The following ACSL1 variants were observed in gnomAD, a reference collection of about 807,000 sequenced individuals.
The protein encoded by ACSL1 is acyl-CoA synthetase long chain family member 1.
In ACSL1, 41 loss-of-function variants were observed where a neutral mutation model predicts 98.4. The observed-to-expected ratio is 0.42, with a 90% CI of 0.32 to 0.54. The LOEUF (loss-of-function observed/expected upper bound fraction) is 0.54, where lower values mean the gene tolerates loss of function less well. Among genes scored for constraint, ACSL1 ranks in the 20% least tolerant of loss-of-function variants. ACSL1 has a pLI of 0.13. For missense variants in ACSL1, 734 were observed against 883.1 expected (o/e 0.83, Z 2.14); for synonymous variants, 316 against 322.7 (o/e 0.98, Z 0.22).
At chr4:184,784,571 A>T (rs1040821140) in intron 3 of ACSL1, among the ~76,000 whole-genome samples, 2 of 152,222 alleles carry the variant, frequency 1.3e-5, no homozygotes, top group African/African-American at 4.8e-5. Context: ...GTATCTGGGA[A>T]GCAAAAGTTA....
At chr4:184,775,676 CA>C (rs1765184011) in intron 7 of ACSL1, among the ~76,000 whole-genome samples, 1 of 152,166 alleles carries the variant, frequency 6.6e-6, no homozygotes, top group African/African-American at 2.4e-5. Flanking sequence ...AAAGGTTCTA[CA>C]GATCCTTACT....
At chr4:184,821,163 C>T (rs1773043422) in intron 1 of ACSL1, 1 of 454,480 alleles carries the variant, frequency 2.2e-6, no homozygotes, top group East Asian at 7.0e-5. Context: ...GTTCCTAAGC[C>T]TGGCCGTGTC....
At chr4:184,763,504 G>T (rs1305336914) in intron 15 of ACSL1, among the ~76,000 whole-genome samples, 1 of 152,072 alleles carries the variant, frequency 6.6e-6, no homozygotes, top group Non-Finnish European at 1.5e-5. Context: ...GAGTAATTTG[G>T]CCTCTATGTG....
chr4:184,790,106 G>A (rs1409610522), intron 2 of ACSL1, among the ~76,000 whole-genome samples: 1 of 152,172 alleles, frequency 6.6e-6, no homozygotes, highest in Non-Finnish European at 1.5e-5. Flanking sequence ...GCAGGCTGAG[G>A]AGGGCCGCGC....
At chr4:184,800,032 C>T (rs184874696) in intron 2 of ACSL1, among the ~76,000 whole-genome samples, 1 of 152,206 alleles carries the variant, frequency 6.6e-6, no homozygotes, top group East Asian at 1.9e-4. Flanking sequence ...AGTTCTGGAC[C>T]TTCTACTAAC....
chr4:184,795,880 TTGCACCC>T (rs1769269230), intron 2 of ACSL1, among the ~76,000 whole-genome samples: 1 of 152,238 alleles, frequency 6.6e-6, no homozygotes, highest in Non-Finnish European at 1.5e-5. Context: ...ATGCTGATGT[TTGCACCC>T]TGCCAGAATA....
At chr4:184,792,163 T>C (rs74546805) in intron 2 of ACSL1, among the ~76,000 whole-genome samples, 5,328 of 152,254 alleles carry the variant, frequency 0.035, 261 homozygotes, top group African/African-American at 0.1. Context: ...CATCTTGACA[T>C]GTAACCTGGG....
intron 1 of ACSL1, among the ~76,000 whole-genome samples, chr4:184,822,671 T>C (rs1018054809): frequency 1.6e-4 from 24 of 149,590 alleles, no homozygotes; most frequent in African/African-American, 5.9e-4. Context: ...CCCAGGGAGG[T>C]GGAGAGGCTG....
chr4:184,762,436 G>A lies in ACSL1; in HGVS notation c.1609C>T (p.His537Tyr). The change falls in exon 17 of 21, where the codon CAC (histidine) becomes TAC (tyrosine). Residue 537 changes from histidine (H) to tyrosine (Y), a missense_variant. His to Tyr is a moderately conservative substitution (Grantham distance 83). Coordinates refer to ENST00000281455, the MANE Select transcript of ACSL1 (RefSeq NM_001995.5). ...AEALDKDGWL[H>Y]TGDIGKWLPN... Reference sequence around the variant, plus strand: ...AACCATTTTCCAATGTCCCCTGTGTGTAACCAGCCGTCTTTGTCCAAAGCT... The same window carrying A: ...AACCATTTTCCAATGTCCCCTGTGTATAACCAGCCGTCTTTGTCCAAAGCT... The A allele has an allele frequency of 7.4e-6, 12 of 1,614,216 alleles. No homozygotes were observed. The highest frequency in any genetic ancestry group is 1.1e-5 in the South Asian group (1 of 91,080).
chr4:184,792,484 A>G (rs10022124), intron 2 of ACSL1, among the ~76,000 whole-genome samples: 88,862 of 152,028 alleles, frequency 0.58, 26,579 homozygotes, highest in African/African-American at 0.68. Flanking sequence ...CGCCCAGGCT[A>G]GAGTTCAGTG....
chr4:184,761,461 A>T (rs4861631), intron 17 of ACSL1, among the ~76,000 whole-genome samples: 1 of 152,140 alleles, frequency 6.6e-6, no homozygotes, highest in Admixed American at 6.5e-5. Context: ...TCAGCATCAT[A>T]ATAACTTCGA....
chr4:184,819,384 C>A (rs975599217), intron 1 of ACSL1, among the ~76,000 whole-genome samples: 5 of 152,038 alleles, frequency 3.3e-5, no homozygotes, highest in Non-Finnish European at 5.9e-5. Flanking sequence ...CTCAGATGAT[C>A]CACCTGCCTT....
chr4:184,826,021 G>GGCCCGCTGGTTGCGCCCCC (rs1487111764), upstream of ACSL1: 1 of 147,720 alleles, frequency 6.8e-6, no homozygotes, highest in Non-Finnish European at 1.5e-5. Context: ...CCGCCGCCTC[G>GGCCCGCTGGTTGCGCCCCC]GCCCGCTGGT....
chr4:184,803,723 C>T lies in ACSL1; in HGVS notation c.-32-177G>A, dbSNP rs1770938302. On this transcript the variant is annotated intron_variant, in intron 1 of 20. Transcript: ENST00000281455. The surrounding 1 kb of genome is among the most constrained non-coding windows in gnomAD (Gnocchi z 4.8). ...CTGTCAAGTGTCATTTTTCTAAAAA[C>T]ACTTTAGGATTTCATTTTCATTCTA... is the stretch of plus-strand genomic sequence containing the variant. Among the ~76,000 whole-genome samples, 1 of 152,090 alleles carries T rather than the reference C, an allele frequency of 6.6e-6. No individual in the cohort carries two copies. Among genetic ancestry groups the T allele is most frequent in the South Asian group, 2.1e-4 (1 of 4,820 alleles).
chr4:184,777,015 AC>A, intron 5 of ACSL1, 32 bp from the exon 6 acceptor site: 1 of 1,573,558 alleles, frequency 6.4e-7, no homozygotes, highest in African/African-American at 1.3e-5. Flanking sequence ...GGGAGAGAAA[AC>A]AGGATGTCAT....
intron 7 of ACSL1, among the ~76,000 whole-genome samples, chr4:184,775,446 A>G (rs1479275048): frequency 6.6e-6 from 1 of 152,196 alleles, no homozygotes; most frequent in Non-Finnish European, 1.5e-5. Context: ...AAGAGATTAC[A>G]TTATAGTAAA....
At chr4:184,816,798 C>T (rs1772674904) in intron 1 of ACSL1, among the ~76,000 whole-genome samples, 1 of 152,002 alleles carries the variant, frequency 6.6e-6, no homozygotes, top group Non-Finnish European at 1.5e-5. Context: ...ATGGTTCTAC[C>T]GCGTGGGGGT....
chr4:184,783,995 A>C lies in ACSL1; in HGVS notation c.311-4T>G. On this transcript the variant is annotated splice_region_variant and splice_polypyrimidine_tract_variant and intron_variant, in intron 3 of 20. Coordinates refer to ENST00000281455, the MANE Select transcript of ACSL1 (RefSeq NM_001995.5). ...GAGCCTAAACAAGGGCCATTATCTA[A>C]AAAAAGAGAAAAAACAACAGATGGG... 1.1e-5 allele frequency: 18 copies of C among 1,611,416 alleles called. No homozygotes were observed. Among genetic ancestry groups the C allele is most frequent in the Non-Finnish European group, 1.5e-5 (18 of 1,178,286 alleles).
intron 4 of ACSL1, among the ~76,000 whole-genome samples, chr4:184,783,230 GAGCCGCTGTT>G (rs1183534219): frequency 3.3e-5 from 5 of 152,202 alleles, no homozygotes; most frequent in Non-Finnish European, 7.3e-5. Flanking sequence ...TGCCACTCAT[GAGCCGCTGTT>G]TCAACAGCTG....
Sources: gnomAD v4.1 joint callset for allele counts (sites outside exome capture counted in the v4.1 genomes callset) on GRCh38, gnomAD v4.1.1 for gene constraint, Gnocchi (gnomAD v3.1) non-coding constraint, MANE v1.5 for transcripts, NCBI Gene and HGNC (gene_info 2026-07-23, HGNC 2026-07-21) for gene names.